The following SLC4A8 variants were observed in gnomAD, a reference collection of about 807,000 sequenced individuals.
SLC4A8 encodes solute carrier family 4 member 8, also known as electroneutral sodium bicarbonate exchanger 1.
In SLC4A8, 40 loss-of-function variants were observed where a neutral mutation model predicts 125.0. The ratio of observed to expected loss-of-function variants is 0.32; its 90% confidence interval spans 0.25 to 0.42. The LOEUF (loss-of-function observed/expected upper bound fraction) is 0.42. Among genes scored for constraint, SLC4A8 ranks in the 10% least tolerant of loss-of-function variants. SLC4A8 has a pLI of 1.00. For synonymous variants in SLC4A8, 456 were observed against 476.0 expected, an observed-to-expected ratio of 0.96 and a Z score of 0.55; for missense variants, 863 against 1,355.1, an observed-to-expected ratio of 0.64 and a Z score of 5.70.
chr12:51,501,703 C>T (rs538022682), intron 22 of SLC4A8: 1 of 152,286 alleles, frequency 6.6e-6, no homozygotes, highest in Admixed American at 6.5e-5. Context: ...AATGCTAGTT[C>T]TATTTTTAGT....
intron 22 of SLC4A8, among the ~76,000 whole-genome samples, chr12:51,503,248 G>A (rs539305072): frequency 9.5e-5 from 14 of 147,896 alleles, no homozygotes; most frequent in African/African-American, 3.2e-4. Context: ...TTTTTGAGAC[G>A]GAGTCTCACC....
chr12:51,457,644 C>G, intron 6 of SLC4A8, 105 bp downstream of exon 6: 1 of 1,061,358 alleles, frequency 9.4e-7, no homozygotes, highest in East Asian at 2.4e-5. Flanking sequence ...TAATATGTTT[C>G]CATGTCCACT....
At chr12:51,497,314 T>C in intron 22 of SLC4A8, 190 bp downstream of exon 22, 1 of 609,064 alleles carries the variant, frequency 1.6e-6, no homozygotes, top group East Asian at 3.2e-5. Flanking sequence ...AATTTTTGGG[T>C]TTGACAACCA....
chr12:51,397,288 C>A (rs376135913), intron 1 of SLC4A8, among the ~76,000 whole-genome samples: 1 of 152,150 alleles, frequency 6.6e-6, no homozygotes, highest in Non-Finnish European at 1.5e-5. Context: ...AACTGTCAAA[C>A]GTGGCAATCT....
In SLC4A8 at chr12:51,485,156, C is replaced by T. The variant is rs1951130160; in HGVS notation, c.2173-631C>T. Among the ~76,000 whole-genome samples, 5 of 152,076 alleles carry T rather than the reference C, an allele frequency of 3.3e-5. No individual in the cohort carries two copies. In the South Asian group the frequency reaches 1.0e-3, roughly 32 times the overall value. On this transcript the variant is annotated intron_variant, in intron 16 of 24. Transcript: ENST00000453097. ...CTCATAGGCCAAGAAGGCCTTTTGA[C>T]CAGAAGCCATTTCAGGGTTTTGATA...
Position 51,510,877 on chromosome 12 carries a change from C to T in SLC4A8, c.*3439C>T, listed in dbSNP as rs1433716998. The stretch of plus-strand genomic sequence containing the variant: ...ATCCTCGTGGTCTGACATTGCTTCT[C>T]ACTGGATACTGGTTGTGGCCTTTGA... On this transcript the variant is annotated 3_prime_UTR_variant, in exon 25 of 25. Coordinates refer to ENST00000453097, the MANE Select transcript of SLC4A8 (RefSeq NM_001039960.3). 1 of 152,286 alleles carries T rather than the reference C, an allele frequency of 6.6e-6. No individual in the cohort carries two copies. The highest frequency in any genetic ancestry group is 1.5e-5 in the Non-Finnish European group (1 of 68,084). 9.4% of individuals were successfully genotyped at this position (152,286 alleles called of 1,614,324 possible).
At chr12:51,441,043 T>G in intron 2 of SLC4A8, 1 of 1,151,828 alleles carries the variant, frequency 8.7e-7, no homozygotes, top group Non-Finnish European at 1.1e-6. Flanking sequence ...AAGTCCAATA[T>G]AAATATTAAC....
chr12:51,435,953 T>G (rs1743713840), intron 1 of SLC4A8, among the ~76,000 whole-genome samples: 1 of 152,332 alleles, frequency 6.6e-6, no homozygotes, highest in South Asian at 2.1e-4. Flanking sequence ...AGGTACTAAT[T>G]ATACTCATTG....
intron 1 of SLC4A8, among the ~76,000 whole-genome samples, chr12:51,416,211 G>GTTTTTTTTT (rs57565585): frequency 2.7e-4 from 22 of 82,500 alleles, no homozygotes; most frequent in African/African-American, 4.7e-4. Context: ...GAGGTCTTTT[G>GTTTTTTTTT]TTTTTTTTTT....
upstream of SLC4A8, among the ~76,000 whole-genome samples, chr12:51,424,037 C>CAAAAAAAAAA (rs35611847): frequency 2.6e-5 from 1 of 38,196 alleles, no homozygotes. Context: ...ACTTCGTCTC[C>CAAAAAAAAAA]AAAAAAAAAA....
chr12:51,497,294 G>A, intron 22 of SLC4A8, 170 bp downstream of exon 22: 1 of 740,364 alleles, frequency 1.4e-6, no homozygotes, highest in South Asian at 2.3e-5. Flanking sequence ...TCTTGCTTCT[G>A]TCTGTTCTTA....
rs1841304355 is a variant in SLC4A8, at chr12:51,457,336, G to A, written c.575-15G>A. ...ACCCTCAATCTGAGTGTTCATGTGA[G>A]TGCCTGCTTTCCAGACCTGATCCTG... On this transcript the variant is annotated splice_polypyrimidine_tract_variant and intron_variant, in intron 5 of 24. Coordinates refer to ENST00000453097, the MANE Select transcript of SLC4A8 (RefSeq NM_001039960.3). 3.7e-6 allele frequency: 6 copies of A among 1,611,386 alleles called. No individual in the cohort carries two copies. Among genetic ancestry groups the A allele is most frequent in the Non-Finnish European group, 5.1e-6 (6 of 1,178,404 alleles).
intron 1 of SLC4A8, among the ~76,000 whole-genome samples, chr12:51,413,406 C>G (rs1341034312): frequency 6.6e-6 from 1 of 152,126 alleles, no homozygotes; most frequent in Non-Finnish European, 1.5e-5. Context: ...AGTGAAAGAG[C>G]TTTTTACTTT....
intron 2 of SLC4A8, among the ~76,000 whole-genome samples, chr12:51,445,749 C>T (rs1949754930): frequency 6.6e-6 from 1 of 151,942 alleles, no homozygotes; most frequent in African/African-American, 2.4e-5. Flanking sequence ...CTTAAAGTCT[C>T]CCTTCTCCAT....
Position 51,507,563 on chromosome 12 carries a change from A to C in SLC4A8, c.*125A>C. 1 of 607,614 alleles carries C rather than the reference A, an allele frequency of 1.6e-6. No individual in the cohort carries two copies. 37.6% of individuals were successfully genotyped at this position (607,614 alleles called of 1,614,324 possible). On this transcript the variant is annotated 3_prime_UTR_variant, in exon 25 of 25. Transcript: ENST00000453097. ...GTCTGGCCCTGTCCTTGGTCATCTC[A>C]AAGCCATGCCGAAGCATTCAGTTAT... is the stretch of plus-strand genomic sequence containing the variant.
chr12:51,457,109 G>A (rs548048963), intron 5 of SLC4A8, among the ~76,000 whole-genome samples: 1 of 152,266 alleles, frequency 6.6e-6, no homozygotes, highest in South Asian at 2.1e-4. Context: ...AAAAATTGTT[G>A]TACTAGTGCT....
At position 51,489,713 on chromosome 12, in the gene SLC4A8, A is replaced by T; in HGVS notation, c.2462A>T (p.Tyr821Phe). The T allele has an allele frequency of 6.2e-7, 1 of 1,614,172 alleles. No individual in the cohort carries two copies. Among genetic ancestry groups the T allele is most frequent in the African/African-American group, 1.3e-5 (1 of 75,044 alleles). The change falls in exon 19 of 25, where the codon TAC (tyrosine) becomes TTC (phenylalanine). Residue 821 changes from tyrosine to phenylalanine, a missense_variant. Physicochemically the swap from Tyr to Phe is conservative, Grantham distance 22 (BLOSUM62 3). Around this residue, in one of 6 missense-constraint regions of SLC4A8, gnomAD observed 197 missense variants for 377.7 expected, o/e 0.52. Transcript: ENST00000453097. ...GTTTCCCCACAGAAAGGCTGTGGCTACCACCTGGACCTACTGATGGTGGCC... is the reference window on the plus strand; with the variant it reads ...GTTTCCCCACAGAAAGGCTGTGGCTTCCACCTGGACCTACTGATGGTGGCC... ...KEHKLKKGCGYHLDLLMVAIM... is the reference protein window; with the variant it reads ...KEHKLKKGCGFHLDLLMVAIM...
At chr12:51,408,538 A>T (rs765606872) in intron 1 of SLC4A8, among the ~76,000 whole-genome samples, 3 of 152,192 alleles carry the variant, frequency 2.0e-5, no homozygotes, top group African/African-American at 2.4e-5. Context: ...CGCCCGGCCT[A>T]TAATGGGTTT....
intron 1 of SLC4A8, among the ~76,000 whole-genome samples, chr12:51,412,986 C>G (rs1398085333): frequency 6.6e-6 from 1 of 152,212 alleles, no homozygotes; most frequent in Non-Finnish European, 1.5e-5. Flanking sequence ...TTTTAAGGAA[C>G]CTCCATACTG....
Sources: gnomAD v4.1 joint callset for allele counts (sites outside exome capture counted in the v4.1 genomes callset) on GRCh38, gnomAD v4.1.1 for gene constraint, gnomAD v4.1.1 regional missense constraint, MANE v1.5 for transcripts, NCBI Gene and HGNC (gene_info 2026-07-23, HGNC 2026-07-21) for gene names.